The following MACROD2 variants were observed in gnomAD, a reference collection of about 807,000 sequenced individuals.
MACROD2 encodes the protein ADP-ribose glycohydrolase MACROD2.
In MACROD2, 36 loss-of-function variants were observed where a neutral mutation model predicts 70.4. The ratio of observed to expected loss-of-function variants is 0.51; its 90% confidence interval spans 0.39 to 0.68. MACROD2 has a LOEUF of 0.68. Among genes scored for constraint, MACROD2 ranks in the 30% least tolerant of loss-of-function variants. MACROD2 has a pLI of 0.00. For synonymous variants in MACROD2, 172 were observed against 178.8 expected (o/e 0.96, Z 0.30); for missense variants, 496 against 538.4 (o/e 0.92, Z 0.78).
chr20:16,027,933 C>T (rs1337899519), intron 15 of MACROD2, among the ~76,000 whole-genome samples: 1 of 152,086 alleles, frequency 6.6e-6, no homozygotes. Flanking sequence ...CAGCCAAGCC[C>T]TGGAGGGGTG....
At chr20:15,507,373 C>CTCCT (rs1568856135) in intron 8 of MACROD2, among the ~76,000 whole-genome samples, 1 of 114,630 alleles carries the variant, frequency 8.7e-6, no homozygotes, top group Non-Finnish European at 1.8e-5. Context: ...TTCTTTCTTT[C>CTCCT]TCCTTCCTTC....
At chr20:15,422,030 C>A (rs953566498) in intron 6 of MACROD2, among the ~76,000 whole-genome samples, 6 of 152,044 alleles carry the variant, frequency 3.9e-5, no homozygotes, top group Non-Finnish European at 8.8e-5. Flanking sequence ...AGGTCAGTGG[C>A]CCTGGAGTAG....
At chr20:14,560,977 T>G (rs1979394215) in intron 4 of MACROD2, among the ~76,000 whole-genome samples, 1 of 151,880 alleles carries the variant, frequency 6.6e-6, no homozygotes. Context: ...TTTTCATTCA[T>G]TTGATAGGAC....
chr20:14,423,524 C>G (rs1391590879), intron 3 of MACROD2, among the ~76,000 whole-genome samples: 1 of 151,244 alleles, frequency 6.6e-6, no homozygotes, highest in Non-Finnish European at 1.5e-5. Flanking sequence ...ACGGTGAAAC[C>G]CCGGCTTTAC....
intron 3 of MACROD2, among the ~76,000 whole-genome samples, chr20:14,474,951 G>A (rs752344286): frequency 2.2e-4 from 33 of 151,966 alleles, no homozygotes; most frequent in Non-Finnish European, 4.4e-4. Flanking sequence ...ATCCATTTAT[G>A]TTCAAGGTAA....
chr20:14,546,052 A>G lies in MACROD2; in HGVS notation c.301+52544A>G, dbSNP rs1308917739. The stretch of plus-strand genomic sequence containing the variant: ...ATTTTTTATTTTGATGAATGGGAAC[A>G]AATTATTAAGGTAATAATACATTAG... On this transcript the variant is annotated intron_variant, in intron 4 of 17. Transcript: ENST00000684519. Among the ~76,000 whole-genome samples the G allele has an allele frequency of 3.9e-5, 6 of 152,340 alleles. No individual in the cohort carries two copies. The East Asian group carries it at 1.2e-3, about 29-fold the overall frequency.
At chr20:15,274,027 C>G (rs2077369180) in intron 6 of MACROD2, among the ~76,000 whole-genome samples, 1 of 152,148 alleles carries the variant, frequency 6.6e-6, no homozygotes, top group African/African-American at 2.4e-5. Flanking sequence ...CCTTATCCTT[C>G]TATTCAGGGT....
chr20:15,034,238 A>G (rs1227923829), intron 5 of MACROD2, among the ~76,000 whole-genome samples: 1 of 152,134 alleles, frequency 6.6e-6, no homozygotes, highest in Non-Finnish European at 1.5e-5. Flanking sequence ...ACCAAATTTG[A>G]TGGTTGGAAT....
intron 3 of MACROD2, among the ~76,000 whole-genome samples, chr20:14,142,113 T>C (rs1031970355): frequency 7.9e-5 from 12 of 152,354 alleles, no homozygotes; most frequent in Admixed American, 5.2e-4. Flanking sequence ...TTGAAAATAG[T>C]ATTAGCATTT....
At chr20:15,850,991 A>G (rs1292520696) in intron 8 of MACROD2, among the ~76,000 whole-genome samples, 1 of 152,144 alleles carries the variant, frequency 6.6e-6, no homozygotes, top group Non-Finnish European at 1.5e-5. Context: ...GACAGAGCTC[A>G]GGTGGCCGGC....
chr20:15,992,782 A>G (rs73109609), intron 15 of MACROD2, among the ~76,000 whole-genome samples: 1,576 of 152,324 alleles, frequency 0.01, 16 homozygotes, highest in Non-Finnish European at 0.018. Context: ...TTATCAAACC[A>G]CGTGGTTTAT....
chr20:14,230,631 T>TATATATATATATA (rs1569217269), intron 3 of MACROD2, among the ~76,000 whole-genome samples: 7 of 94,256 alleles, frequency 7.4e-5, no homozygotes, highest in Admixed American at 1.2e-4. Context: ...TCATTCATGT[T>TATATATATATATA]TATATATATA....
At position 14,845,828 on chromosome 20, in the gene MACROD2, T is replaced by G. The variant is rs529005028; in HGVS notation, c.418+160869T>G. ...AGAAATGAGTCACGACCAGTCAGAT[T>G]TGGCTGACTTGTGGGCCATTAAAAA... On this transcript the variant is annotated intron_variant, in intron 5 of 17. Coordinates refer to ENST00000684519, the MANE Select transcript of MACROD2 (RefSeq NM_001351661.2). Among the ~76,000 whole-genome samples the G allele has an allele frequency of 1.9e-3, 293 of 152,158 alleles. 1 individual carries two copies. Among genetic ancestry groups the G allele is most frequent in the Non-Finnish European group, 3.8e-3 (260 of 68,000 alleles).
At chr20:14,914,498 G>A (rs1359134544) in intron 5 of MACROD2, among the ~76,000 whole-genome samples, 1 of 152,122 alleles carries the variant, frequency 6.6e-6, no homozygotes, top group Non-Finnish European at 1.5e-5. Flanking sequence ...GGGGCTAAGG[G>A]AAATAAAGCA....
intron 5 of MACROD2, among the ~76,000 whole-genome samples, chr20:15,147,157 A>T (rs35731609): frequency 9.2e-5 from 14 of 152,200 alleles, no homozygotes; most frequent in Non-Finnish European, 1.8e-4. Context: ...GGAGCTCCAC[A>T]TGGCATATTC....
chr20:15,140,858 G>A (rs960109830), intron 5 of MACROD2, among the ~76,000 whole-genome samples: 1 of 152,130 alleles, frequency 6.6e-6, no homozygotes, highest in African/African-American at 2.4e-5. Context: ...TCATAAGTCA[G>A]TTGTGAAAGA....
chr20:14,885,405 G>C (rs1393446341), intron 5 of MACROD2, among the ~76,000 whole-genome samples: 2 of 152,026 alleles, frequency 1.3e-5, no homozygotes, highest in Non-Finnish European at 2.9e-5. Flanking sequence ...AGAATCTTCT[G>C]CTTCTCTTGA....
intron 5 of MACROD2, among the ~76,000 whole-genome samples, chr20:15,083,247 CTG>C (rs1186803818): frequency 6.6e-6 from 1 of 152,120 alleles, no homozygotes; most frequent in Admixed American, 6.5e-5. Flanking sequence ...TTGTGAATCT[CTG>C]GGGTTGGCCA....
chr20:14,117,087 A>T (rs2054525222), intron 3 of MACROD2, among the ~76,000 whole-genome samples: 1 of 150,676 alleles, frequency 6.6e-6, no homozygotes, highest in African/African-American at 2.4e-5. Context: ...AAAAAAATGT[A>T]CAGCTTCTAA....
Sources: gnomAD v4.1 joint callset for allele counts (sites outside exome capture counted in the v4.1 genomes callset) on GRCh38, gnomAD v4.1.1 for gene constraint, MANE v1.5 for transcripts, NCBI Gene and HGNC (gene_info 2026-07-23, HGNC 2026-07-21) for gene names.